Variants in PDE1A observed in about 807,000 individuals in gnomAD.
PDE1A encodes the protein dual specificity calcium/calmodulin-dependent 3',5'-cyclic nucleotide phosphodiesterase 1A.
In PDE1A, 35 loss-of-function variants were observed where a neutral mutation model predicts 61.7. That is an observed-to-expected ratio of 0.57 (90% confidence interval 0.43 to 0.75). The LOEUF (loss-of-function observed/expected upper bound fraction) is 0.75, where lower values mean the gene tolerates loss of function less well. PDE1A is among the 30% of genes least tolerant of loss of function. PDE1A has a pLI of 0.00. For missense variants in PDE1A, 597 were observed against 630.6 expected (o/e 0.95, Z 0.57); for synonymous variants, 232 against 213.2 (o/e 1.09, Z -0.77).
the PDE1A span, among the ~76,000 whole-genome samples, chr2:182,703,074 G>A: frequency 4.8e-4 from 73 of 152,242 alleles, no homozygotes; most frequent in African/African-American, 1.6e-3. Flanking sequence ...AAAATGGAAC[G>A]CAACCAACGA....
At chr2:182,472,942 A>AG (rs914761119) in intron 2 of PDE1A, among the ~76,000 whole-genome samples, 2 of 69,444 alleles carry the variant, frequency 2.9e-5, no homozygotes, top group African/African-American at 1.1e-4. Context: ...AATTTTATTA[A>AG]TTTTTTTTTT....
chr2:182,264,495 A>T lies in PDE1A; in HGVS notation c.54-81T>A, dbSNP rs868378748. 1.9e-4 allele frequency: 171 copies of T among 922,556 alleles called. 2 individuals are homozygous for T. The Middle Eastern group carries it at 7.3e-3, about 40-fold the overall frequency. 57.1% of individuals were successfully genotyped at this position (922,556 alleles called of 1,614,324 possible). A position where few individuals can be genotyped will look rare whatever the true frequency, so the allele number is the denominator to read the frequency against. On this transcript the variant is annotated intron_variant, in intron 1 of 13. Transcript: ENST00000351439. ...TGGAAAATAGTACAGTATTAAATAC[A>T]CTCAGTTAAGATTTTTAACATAGCT...
downstream of PDE1A, among the ~76,000 whole-genome samples, chr2:182,164,289 C>T (rs1691535413): frequency 6.6e-6 from 1 of 152,138 alleles, no homozygotes; most frequent in Middle Eastern, 3.4e-3. Context: ...TTGTACTATG[C>T]CTTCATGGGG....
chr2:182,638,785 G>T, the PDE1A span, among the ~76,000 whole-genome samples: 1 of 152,198 alleles, frequency 6.6e-6, no homozygotes, highest in African/African-American at 2.4e-5. Flanking sequence ...AGCGCTTCTG[G>T]TAGGCTAGGG....
At chr2:182,586,147 TC>T in the PDE1A span, among the ~76,000 whole-genome samples, 2 of 152,308 alleles carry the variant, frequency 1.3e-5, no homozygotes, top group African/African-American at 4.8e-5. Context: ...TCAGTATTCA[TC>T]CCGAGTAAAT....
chr2:182,360,308 G>C (rs898052447), intron 1 of PDE1A, among the ~76,000 whole-genome samples: 1 of 151,972 alleles, frequency 6.6e-6, no homozygotes, highest in Non-Finnish European at 1.5e-5. Flanking sequence ...TTTTAAATTC[G>C]TATAATCTCA....
chr2:182,284,938 G>C (rs955074789), intron 1 of PDE1A, among the ~76,000 whole-genome samples: 1 of 152,082 alleles, frequency 6.6e-6, no homozygotes, highest in African/African-American at 2.4e-5. Flanking sequence ...CTTGCCTAAG[G>C]TCACACAATT....
the PDE1A span, among the ~76,000 whole-genome samples, chr2:182,672,280 G>A: frequency 1 from 151,996 of 152,338 alleles, 75,827 homozygotes; most frequent in Middle Eastern, 1. Flanking sequence ...TTTTATATAA[G>A]CATATTTTAC....
At chr2:182,206,155 C>T in intron 7 of PDE1A, 90 bp from the exon 8 acceptor site, 2 of 934,182 alleles carry the variant, frequency 2.1e-6, no homozygotes. Context: ...AGTCATGTGA[C>T]CAGAAAACAT....
chr2:182,142,659 T>C (rs1350945893), downstream of PDE1A: 1 of 152,258 alleles, frequency 6.6e-6, no homozygotes, highest in Admixed American at 6.5e-5. Flanking sequence ...TTTATAGTTA[T>C]AGCACTCTGT....
the PDE1A span, among the ~76,000 whole-genome samples, chr2:182,611,599 C>T: frequency 6.6e-6 from 1 of 152,116 alleles, no homozygotes; most frequent in African/African-American, 2.4e-5. Context: ...TAACCTTCTG[C>T]CTTAACTTAC....
chr2:182,203,294 T>G (rs1279489854), intron 8 of PDE1A, among the ~76,000 whole-genome samples: 1 of 151,862 alleles, frequency 6.6e-6, no homozygotes, highest in Non-Finnish European at 1.5e-5. Flanking sequence ...CACTCCAGCC[T>G]GGGCTACAGA....
At chr2:182,616,332 A>G in the PDE1A span, among the ~76,000 whole-genome samples, 4 of 152,234 alleles carry the variant, frequency 2.6e-5, no homozygotes, top group Non-Finnish European at 5.9e-5. Context: ...TAGGGCTCAA[A>G]GAATTATGTA....
chr2:182,502,313 C>CGTGTGT (rs35441240), intron 2 of PDE1A, among the ~76,000 whole-genome samples: 35 of 150,312 alleles, frequency 2.3e-4, no homozygotes, highest in Middle Eastern at 3.4e-3. Context: ...TACTCTCTTT[C>CGTGTGT]GTGTGTGTGT....
the PDE1A span, among the ~76,000 whole-genome samples, chr2:182,683,166 C>T: frequency 6.7e-6 from 1 of 149,592 alleles, no homozygotes; most frequent in East Asian, 2.0e-4. Context: ...GATCTCGGCT[C>T]ACTGCAACCT....
chr2:182,667,888 A>G, the PDE1A span, among the ~76,000 whole-genome samples: 3 of 152,208 alleles, frequency 2.0e-5, no homozygotes, highest in Admixed American at 2.0e-4. Flanking sequence ...GGGCTTTATT[A>G]GAAGCCATAG....
At chr2:182,319,547 A>G (rs1157988958) in intron 1 of PDE1A, among the ~76,000 whole-genome samples, 1 of 152,186 alleles carries the variant, frequency 6.6e-6, no homozygotes, top group African/African-American at 2.4e-5. Flanking sequence ...CATAATACGC[A>G]TTAATGGGGT....
chr2:182,582,024 C>A, the PDE1A span, among the ~76,000 whole-genome samples: 1 of 152,150 alleles, frequency 6.6e-6, no homozygotes, highest in Non-Finnish European at 1.5e-5. Context: ...CCAAAGCATG[C>A]AATTTCATGT....
chr2:182,467,274 T>C (rs1686735808), intron 2 of PDE1A, among the ~76,000 whole-genome samples: 1 of 151,786 alleles, frequency 6.6e-6, no homozygotes, highest in Non-Finnish European at 1.5e-5. Flanking sequence ...TTGCAGGATA[T>C]GAAGAAGATA....
Sources: allele counts gnomAD v4.1 joint callset (sites outside exome capture counted in the v4.1 genomes callset), GRCh38; gene constraint gnomAD v4.1.1; transcripts MANE v1.5; gene names NCBI Gene and HGNC (gene_info 2026-07-23, HGNC 2026-07-21).